DIP2C: variants seen among roughly 807,000 people sequenced by gnomAD.
DIP2C encodes DIP2 acetate--CoA ligase C (putative), also known as disco-interacting protein 2 homolog C.
In DIP2C, 33 loss-of-function variants were observed where a neutral mutation model predicts 192.4. The observed-to-expected ratio is 0.17, with a 90% CI of 0.13 to 0.23. DIP2C has a LOEUF of 0.23. DIP2C is among the 10% of genes least tolerant of loss of function. The pLI, the probability that DIP2C is intolerant of heterozygous loss-of-function variation, is 1.00. For synonymous variants in DIP2C, 979 were observed against 864.1 expected, an observed-to-expected ratio of 1.13 and a Z score of -2.33; for missense variants, 1,537 against 2,110.1, an observed-to-expected ratio of 0.73 and a Z score of 5.32.
At chr10:598,824 G>A (rs970914346) in intron 1 of DIP2C, among the ~76,000 whole-genome samples, 2 of 152,204 alleles carry the variant, frequency 1.3e-5, no homozygotes, top group African/African-American at 4.8e-5. Flanking sequence ...GTGGGTCATG[G>A]GTGTCTCCGA....
chr10:560,201 G>A (rs61831036), intron 1 of DIP2C, among the ~76,000 whole-genome samples: 1,834 of 152,246 alleles, frequency 0.012, 11 homozygotes, highest in East Asian at 0.037. Flanking sequence ...GCACAGCAGA[G>A]AGCAGTCCTC....
At chr10:362,789 G>A in intron 21 of DIP2C, 98 bp from the exon 22 acceptor site, 1 of 1,322,906 alleles carries the variant, frequency 7.6e-7, no homozygotes, top group Non-Finnish European at 1.0e-6. Flanking sequence ...ACAGAAGTCT[G>A]TGCAGTATAA....
intron 3 of DIP2C, among the ~76,000 whole-genome samples, chr10:461,513 C>T (rs1969774254): frequency 6.6e-6 from 1 of 152,178 alleles, no homozygotes; most frequent in African/African-American, 2.4e-5. Context: ...ATACCCAATA[C>T]AGGAGCACCC....
chr10:302,671 C>T (rs994963202), intron 32 of DIP2C, among the ~76,000 whole-genome samples: 1 of 152,206 alleles, frequency 6.6e-6, no homozygotes. Flanking sequence ...CTGTATGGTA[C>T]GGCCAAGTGC....
chr10:364,524 C>G lies in DIP2C; in HGVS notation c.2327G>C (p.Gly776Ala). The G allele has an allele frequency of 6.2e-7, 1 of 1,614,186 alleles. No homozygotes were observed. Among genetic ancestry groups the G allele is most frequent in the African/African-American group, 1.3e-5 (1 of 75,040 alleles). Residue 776 changes from glycine (G) to alanine (A), a missense_variant, in exon 20 of 37, where the codon GGC (glycine) becomes GCC (alanine). Around this residue, in one of 4 missense-constraint regions of DIP2C, gnomAD observed 677 missense variants for 989.9 expected, o/e 0.68. Transcript: ENST00000280886. ...TCCGGGACCCACGAACCCCAGCAAG[C>G]CTGTCCTTATGAATGGGTATTCACT... ...PISEYPFIRTGLLGFVGPGGL... is the reference protein window; with the variant it reads ...PISEYPFIRTALLGFVGPGGL...
intron 1 of DIP2C, among the ~76,000 whole-genome samples, chr10:587,091 A>G (rs907784498): frequency 6.6e-6 from 1 of 150,618 alleles, no homozygotes; most frequent in Admixed American, 6.6e-5. Context: ...AGGCCGGACC[A>G]CCCGGATCCC....
chr10:296,422 A>G (rs1275769269), intron 32 of DIP2C, among the ~76,000 whole-genome samples: 1 of 151,714 alleles, frequency 6.6e-6, no homozygotes, highest in African/African-American at 2.4e-5. Flanking sequence ...AAACAGGGAC[A>G]CTTTTACACT....
intron 4 of DIP2C, among the ~76,000 whole-genome samples, chr10:433,096 C>G (rs925631724): frequency 2.6e-5 from 4 of 152,082 alleles, no homozygotes; most frequent in African/African-American, 9.7e-5. Flanking sequence ...CTATAAATGT[C>G]AATTATATAC....
intron 31 of DIP2C, among the ~76,000 whole-genome samples, chr10:312,048 C>CT (rs1028264864): frequency 6.6e-6 from 1 of 152,188 alleles, no homozygotes; most frequent in Non-Finnish European, 1.5e-5. Context: ...TAGCTCTATC[C>CT]ACCTACACAA....
At chr10:569,719 C>A (rs537244354) in intron 1 of DIP2C, among the ~76,000 whole-genome samples, 1 of 152,164 alleles carries the variant, frequency 6.6e-6, no homozygotes, top group Non-Finnish European at 1.5e-5. Flanking sequence ...AATCAGCCAT[C>A]GTCACCATGA....
At position 419,680 on chromosome 10, in the gene DIP2C, G is replaced by A. The variant is rs1010898135; in HGVS notation, c.605-481C>T. On this transcript the variant is annotated intron_variant, in intron 5 of 36. Transcript: ENST00000280886. ...AACAGTAATGGCCATGACCGTGTAG[G>A]GTAGTTGGGTGGATTATGTGAGTTA... is the stretch of plus-strand genomic sequence containing the variant. Among the ~76,000 whole-genome samples, 5 of 152,166 alleles carry A rather than the reference G, an allele frequency of 3.3e-5. 1 individual carries two copies. The South Asian group carries it at 8.3e-4, about 25-fold the overall frequency.
intron 2 of DIP2C, among the ~76,000 whole-genome samples, chr10:473,143 C>T (rs1459514721): frequency 6.6e-6 from 1 of 152,012 alleles, no homozygotes; most frequent in African/African-American, 2.4e-5. Context: ...TGGTGAATAA[C>T]AAAAAACATT....
At chr10:534,540 A>G (rs183350741) in intron 1 of DIP2C, among the ~76,000 whole-genome samples, 1 of 152,330 alleles carries the variant, frequency 6.6e-6, no homozygotes, top group Admixed American at 6.5e-5. Context: ...CAATATTTCA[A>G]TTATCTGGGG....
intron 1 of DIP2C, among the ~76,000 whole-genome samples, chr10:488,329 CA>C: frequency 6.6e-6 from 1 of 152,334 alleles, no homozygotes; most frequent in African/African-American, 2.4e-5. Flanking sequence ...CAAGGCAAGA[CA>C]GTTCAGTGCA....
At chr10:345,337 G>C (rs937432764) in intron 26 of DIP2C, among the ~76,000 whole-genome samples, 7 of 132,152 alleles carry the variant, frequency 5.3e-5, no homozygotes, top group Non-Finnish European at 1.1e-4. Flanking sequence ...TGCACTTCCT[G>C]GGCCCAGTGC....
intron 1 of DIP2C, among the ~76,000 whole-genome samples, chr10:572,877 C>T (rs1018352390): frequency 2.0e-5 from 3 of 152,076 alleles, no homozygotes; most frequent in South Asian, 2.1e-4. Flanking sequence ...TGACAGCCGG[C>T]GGGACTCGCT....
chr10:543,811 C>A (rs1056935773), intron 1 of DIP2C, among the ~76,000 whole-genome samples: 139 of 152,344 alleles, frequency 9.1e-4, no homozygotes, highest in African/African-American at 2.9e-3. Context: ...GTCTTTTTAG[C>A]ATATTCTCAA....
chr10:506,201 G>A (rs1257322519), intron 1 of DIP2C, among the ~76,000 whole-genome samples: 1 of 152,134 alleles, frequency 6.6e-6, no homozygotes, highest in Non-Finnish European at 1.5e-5. Flanking sequence ...GGAGAGAGAT[G>A]CCTGGAGACC....
intron 1 of DIP2C, among the ~76,000 whole-genome samples, chr10:489,597 A>AC (rs1292162532): frequency 6.6e-6 from 1 of 151,852 alleles, no homozygotes; most frequent in Non-Finnish European, 1.5e-5. Context: ...CACACTAGGG[A>AC]CACAGTGGCT....
Sources: gnomAD v4.1 joint callset for allele counts (sites outside exome capture counted in the v4.1 genomes callset) on GRCh38, gnomAD v4.1.1 for gene constraint, gnomAD v4.1.1 regional missense constraint, MANE v1.5 for transcripts, NCBI Gene and HGNC (gene_info 2026-07-23, HGNC 2026-07-21) for gene names.